The following GKAP1 variants were observed in gnomAD, a reference collection of about 807,000 sequenced individuals.
GKAP1 encodes the protein G kinase anchoring protein 1.
Under a neutral mutation model 56.7 loss-of-function variants are expected in GKAP1, and 31 were observed. The ratio of observed to expected loss-of-function variants is 0.55; its 90% CI spans 0.41 to 0.74. The LOEUF is 0.74. GKAP1 is among the 30% of genes least tolerant of loss of function. GKAP1 has a pLI of 0.00. For missense variants in GKAP1, 364 were observed against 402.3 expected (o/e 0.90, Z 0.82); for synonymous variants, 151 against 138.6 (o/e 1.09, Z -0.63).
chr9:83,804,056 G>C, intron 3 of GKAP1, among the ~76,000 whole-genome samples: 1 of 150,170 alleles, frequency 6.7e-6, no homozygotes, highest in Non-Finnish European at 1.5e-5. Context: ...CCTCTGCCCG[G>C]CAGCCACCCC....
chr9:83,741,827 A>G, intron 12 of GKAP1, 125 bp downstream of exon 12: 2 of 619,178 alleles, frequency 3.2e-6, no homozygotes, highest in Non-Finnish European at 5.6e-6. Flanking sequence ...ACCGATAATA[A>G]AATTATCAAT....
chr9:83,779,448 T>TATATATACAC (rs1554742273), intron 7 of GKAP1, among the ~76,000 whole-genome samples: 1 of 119,598 alleles, frequency 8.4e-6, no homozygotes, highest in African/African-American at 3.1e-5. Context: ...TATATATATA[T>TATATATACAC]ACACACACAC....
chr9:83,764,881 A>G (rs902765088), intron 8 of GKAP1, among the ~76,000 whole-genome samples: 3 of 152,210 alleles, frequency 2.0e-5, no homozygotes, highest in African/African-American at 7.2e-5. Flanking sequence ...ACAGAGCATA[A>G]AAGTTCAGAA....
At chr9:83,791,094 T>A (rs913737359) in intron 4 of GKAP1, among the ~76,000 whole-genome samples, 2 of 152,130 alleles carry the variant, frequency 1.3e-5, no homozygotes, top group Non-Finnish European at 2.9e-5. Context: ...AATCGCATGA[T>A]AAAAACTGAA....
At position 83,753,048 on chromosome 9, in the gene GKAP1, A is replaced by G. The variant is rs113494973; in HGVS notation, c.840+210T>C. On this transcript the variant is annotated intron_variant, in intron 9 of 12. Transcript: ENST00000376371. ...GCACTCCAGCCTGGGCAACAGAATG[A>G]GACTCCATCTCAAACAACAACAACA... 6.9e-5 allele frequency among the ~76,000 whole-genome samples: 10 copies of G among 145,924 alleles called. 1 individual carries two copies. The highest frequency in any genetic ancestry group is 2.5e-4 in the African/African-American group (10 of 39,986).
intron 7 of GKAP1, among the ~76,000 whole-genome samples, chr9:83,771,514 C>A (rs1943760190): frequency 6.6e-6 from 1 of 152,152 alleles, no homozygotes; most frequent in African/African-American, 2.4e-5. Context: ...TATTTGTATA[C>A]CAGTGCTTAC....
chr9:83,748,497 C>T (rs1943331710), intron 9 of GKAP1, 125 bp from the exon 10 acceptor site: 5 of 546,084 alleles, frequency 9.2e-6, no homozygotes, highest in Non-Finnish European at 1.6e-5. Context: ...TAGAAACAAA[C>T]AGGATGGAGG....
chr9:83,788,087 G>A (rs1944094183), intron 5 of GKAP1, among the ~76,000 whole-genome samples: 1 of 152,128 alleles, frequency 6.6e-6, no homozygotes, highest in Admixed American at 6.6e-5. Flanking sequence ...AGACCAGCCT[G>A]GCCAACATGG....
intron 8 of GKAP1, among the ~76,000 whole-genome samples, chr9:83,755,895 C>A (rs113966160): frequency 1.3e-5 from 2 of 150,468 alleles, no homozygotes. Context: ...ACCTCTGTCT[C>A]CCAGGTTCAA....
intron 8 of GKAP1, among the ~76,000 whole-genome samples, chr9:83,760,773 G>T (rs1394698740): frequency 6.6e-6 from 1 of 152,064 alleles, no homozygotes; most frequent in Admixed American, 6.6e-5. Context: ...TGATCAGTGG[G>T]TCAATGAAGA....
At chr9:83,801,930 G>C (rs1317931369) in intron 3 of GKAP1, among the ~76,000 whole-genome samples, 2 of 152,164 alleles carry the variant, frequency 1.3e-5, no homozygotes, top group African/African-American at 4.8e-5. Flanking sequence ...AGATGGAAAT[G>C]TAATAGAAAA....
chr9:83,775,449 G>C (rs1053400638), intron 7 of GKAP1, among the ~76,000 whole-genome samples: 1 of 152,008 alleles, frequency 6.6e-6, no homozygotes, highest in African/African-American at 2.4e-5. Flanking sequence ...CTATGACCCC[G>C]ATGTGATATG....
At chr9:83,812,552 C>T (rs187642778) in intron 2 of GKAP1, among the ~76,000 whole-genome samples, 76 of 150,750 alleles carry the variant, frequency 5.0e-4, no homozygotes, top group Non-Finnish European at 8.9e-4. Flanking sequence ...GTTGCCCAGG[C>T]TGGTCTTGAA....
intron 5 of GKAP1, among the ~76,000 whole-genome samples, chr9:83,787,416 T>TACA (rs200959896): frequency 6.6e-6 from 1 of 151,418 alleles, no homozygotes; most frequent in Non-Finnish European, 1.5e-5. Flanking sequence ...AAAAAAAAAT[T>TACA]TTTAGAGACA....
At chr9:83,782,407 G>A (rs924896325) in intron 6 of GKAP1, among the ~76,000 whole-genome samples, 6 of 150,398 alleles carry the variant, frequency 4.0e-5, no homozygotes, top group Admixed American at 2.7e-4. Flanking sequence ...TGCCCAGGCT[G>A]GAGTGCAATG....
At chr9:83,789,948 T>C (rs946318656) in intron 4 of GKAP1, among the ~76,000 whole-genome samples, 28 of 152,276 alleles carry the variant, frequency 1.8e-4, no homozygotes, top group African/African-American at 6.7e-4. Flanking sequence ...AAGTTAATCA[T>C]AATTGTTTCT....
At chr9:83,769,370 C>T (rs1044544539) in intron 7 of GKAP1, among the ~76,000 whole-genome samples, 1 of 152,152 alleles carries the variant, frequency 6.6e-6, no homozygotes, top group Non-Finnish European at 1.5e-5. Flanking sequence ...AAACTGTACC[C>T]ATTAGCCGTC....
intron 8 of GKAP1, among the ~76,000 whole-genome samples, chr9:83,759,104 A>G (rs1225294543): frequency 6.6e-6 from 1 of 152,176 alleles, no homozygotes; most frequent in Non-Finnish European, 1.5e-5. Context: ...GAATTTGAAC[A>G]TTACCAATAC....
At chr9:83,809,099 A>G (rs1944475250) in intron 2 of GKAP1, among the ~76,000 whole-genome samples, 1 of 152,220 alleles carries the variant, frequency 6.6e-6, no homozygotes, top group South Asian at 2.1e-4. Flanking sequence ...TTACACAAAA[A>G]AATTTCTTCC....
Sources: allele counts gnomAD v4.1 joint callset (sites outside exome capture counted in the v4.1 genomes callset), GRCh38; gene constraint gnomAD v4.1.1; transcripts MANE v1.5; gene names NCBI Gene and HGNC (gene_info 2026-07-23, HGNC 2026-07-21).